Variants in NPR1 observed in about 807,000 individuals in gnomAD.
NPR1 encodes the protein atrial natriuretic peptide receptor 1.
Under a neutral mutation model 116.9 loss-of-function variants are expected in NPR1, and 57 were observed. The ratio of observed to expected loss-of-function variants is 0.49; its 90% confidence interval spans 0.39 to 0.61. NPR1 has a LOEUF of 0.61. Among genes scored for constraint, NPR1 ranks in the 20% least tolerant of loss-of-function variants. NPR1 has a pLI of 0.00. For missense variants in NPR1, 1,096 were observed against 1,409.8 expected (o/e 0.78, Z 3.56); for synonymous variants, 555 against 601.6 (o/e 0.92, Z 1.13).
At chr1:153,685,691 G>T (rs1158695085) in intron 8 of NPR1, 115 bp from the exon 9 acceptor site, 3 of 795,054 alleles carry the variant, frequency 3.8e-6, no homozygotes, top group Non-Finnish European at 6.3e-6. Flanking sequence ...CAAAAAGGAA[G>T]GGTGACACAA....
At chr1:153,687,433 G>T (rs1557963904) in intron 13 of NPR1, 77 bp downstream of exon 13, 4 of 1,536,114 alleles carry the variant, frequency 2.6e-6, no homozygotes, top group Non-Finnish European at 1.8e-6. Context: ...CCTCTGATGG[G>T]CTTGGGCATG....
In NPR1 at chr1:153,689,393, C is replaced by T; in HGVS notation, c.2689-60C>T. 6.2e-7 allele frequency: 1 copy of T among 1,613,496 alleles called. No individual in the cohort carries two copies. The highest frequency in any genetic ancestry group is 1.1e-5 in the South Asian group (1 of 91,076). ...ACCTGCCTTCTGGTTCTGCTTTACC[C>T]ACCTGACCCCAGGTGGGGTCCCCTA... On this transcript the variant is annotated intron_variant, in intron 17 of 21. Coordinates refer to ENST00000368680, the MANE Select transcript of NPR1 (RefSeq NM_000906.4). The surrounding 1 kb of genome is among the most constrained non-coding windows in gnomAD (Gnocchi z 5.1).
intron 1 of NPR1, 45 bp from the exon 2 acceptor site, chr1:153,680,456 C>A (rs1189799208): frequency 3.8e-6 from 6 of 1,591,162 alleles, no homozygotes; most frequent in Non-Finnish European, 5.2e-6. Flanking sequence ...CCTGTCTCTC[C>A]CGCAGTACCT....
In NPR1 at chr1:153,686,144, C is replaced by T. The variant is rs765047660; in HGVS notation, c.1702C>T (p.Arg568Cys). The T allele has an allele frequency of 6.2e-7, 1 of 1,614,068 alleles. No individual in the cohort carries two copies. The highest frequency in any genetic ancestry group is 1.3e-5 in the African/African-American group (1 of 75,002). The change falls in exon 10 of 22, where the codon CGT becomes TGT. Residue 568 changes from arginine (R) to cysteine (C), a missense_variant. Transcript: ENST00000368680. Reference sequence around the variant, plus strand: ...CCAGGGCAACCTCGTGGCTGTGAAACGTGTGAACCGTAAACGCATTGAGCT... The same window carrying T: ...CCAGGGCAACCTCGTGGCTGTGAAATGTGTGAACCGTAAACGCATTGAGCT... ...YYKGNLVAVK[R>C]VNRKRIELTR...
In NPR1 at chr1:153,678,747, G is replaced by A. The variant is rs12038341; in HGVS notation, c.-362G>A. ...AACACACACTCCTCTTTCCTCCCTC[G>A]CGCGCCCTCTCTCATCCTTCTTCAC... On this transcript the variant is annotated 5_prime_UTR_variant, in exon 1 of 22. Transcript: ENST00000368680. The surrounding 1 kb of genome is among the most constrained non-coding windows in gnomAD (Gnocchi z 5.8). 7.2e-6 allele frequency: 2 copies of A among 279,504 alleles called. No homozygotes were observed. Among genetic ancestry groups the A allele is most frequent in the Non-Finnish European group, 1.3e-5 (2 of 151,080 alleles). 17.3% of individuals were successfully genotyped at this position (279,504 alleles called of 1,614,324 possible). A position where few individuals can be genotyped will look rare whatever the true frequency, so the allele number is the denominator to read the frequency against.
chr1:153,684,920 T>A (rs777646367), intron 7 of NPR1, 44 bp from the exon 8 acceptor site: 2 of 1,610,130 alleles, frequency 1.2e-6, no homozygotes, highest in Non-Finnish European at 1.7e-6. Flanking sequence ...CTGCCCTGGG[T>A]CAGCGGCTCA....
In NPR1 at chr1:153,681,406, C is replaced by G. The variant is rs1669777491; in HGVS notation, c.1035+113C>G. 11 of 700,276 alleles carry G rather than the reference C, an allele frequency of 1.6e-5. No individual in the cohort carries two copies. The Admixed American group carries it at 2.1e-4, about 13-fold the overall frequency. The allele number at this position is 700,276 out of a possible 1,614,324, so 43.4% of individuals were successfully genotyped here. The stretch of plus-strand genomic sequence containing the variant: ...GTTCTCCCCTTCCTTCCCTCCCTTC[C>G]CATTGTTCCATGTTTCTCGTGATGA... On this transcript the variant is annotated intron_variant, in intron 3 of 21. Transcript: ENST00000368680.
intron 4 of NPR1, 152 bp downstream of exon 4, chr1:153,681,991 G>A: frequency 1.2e-6 from 1 of 844,956 alleles, no homozygotes; most frequent in Non-Finnish European, 1.8e-6. Context: ...TCCCTCAGAA[G>A]TCCTACAAAG....
rs1380672168 is a variant in NPR1 at position 153,679,558 on chromosome 1, C to T, written c.450C>T (p.Asp150=). 31 of 1,551,688 alleles carry T rather than the reference C, an allele frequency of 2.0e-5. No homozygotes were observed. The highest frequency in any genetic ancestry group is 2.6e-5 in the Non-Finnish European group (30 of 1,153,414). The change falls in exon 1 of 22, where the codon GAC becomes GAT. Residue 150 remains aspartate, a synonymous_variant. Transcript: ENST00000368680. This position sits in a 1 kb window ranked among gnomAD's most constrained non-coding sequence, Gnocchi z 4.2. The part of the protein sequence containing the change: ...GAPALGFGVK[D]EYALTTRAGP... ...CGGCGCTGGGCTTCGGTGTCAAGGA[C>T]GAGTATGCGCTGACCACCCGCGCGG...
At position 153,689,792 on chromosome 1, in the gene NPR1, C is replaced by A; in HGVS notation, c.2758-14C>A. 1 of 1,526,758 alleles carries A rather than the reference C, an allele frequency of 6.5e-7. No individual in the cohort carries two copies. The highest frequency in any genetic ancestry group is 1.3e-5 in the South Asian group (1 of 79,976). 94.6% of individuals were successfully genotyped at this position (1,526,758 alleles called of 1,614,324 possible). A position where few individuals can be genotyped will look rare whatever the true frequency, so the allele number is the denominator to read the frequency against. On this transcript the variant is annotated splice_polypyrimidine_tract_variant and intron_variant, in intron 18 of 21. Coordinates refer to ENST00000368680, the MANE Select transcript of NPR1 (RefSeq NM_000906.4). This position sits in a 1 kb window ranked among gnomAD's most constrained non-coding sequence, Gnocchi z 5.1. ...GCAGCCGTCAAGTCCTGCACCCCCT[C>A]GCCACTCCCACAGGTGGAGACAATT...
chr1:153,687,729 C>G lies in NPR1; in HGVS notation c.2188C>G (p.Gln730Glu). ...GDVYSFGIILQEIALRSGVFH... is the reference protein window; with the variant it reads ...GDVYSFGIILEEIALRSGVFH... ...CGTATACAGCTTTGGGATCATCCTT[C>G]AGGAGATTGCCCTGAGGAGTGGGGT... The change falls in exon 14 of 22, where the codon CAG (glutamine) becomes GAG (glutamate). Residue 730 changes from glutamine (Q) to glutamate (E), a missense_variant. Gln to Glu is a conservative substitution (Grantham distance 29). Coordinates refer to ENST00000368680, the MANE Select transcript of NPR1 (RefSeq NM_000906.4). The G allele has an allele frequency of 6.2e-7, 1 of 1,607,352 alleles. No individual in the cohort carries two copies. The highest frequency in any genetic ancestry group is 1.7e-5 in the Admixed American group (1 of 59,868).
At chr1:153,686,582 C>A in intron 10 of NPR1, 64 bp from the exon 11 acceptor site, 3 of 1,321,518 alleles carry the variant, frequency 2.3e-6, no homozygotes, top group Admixed American at 3.6e-5. Flanking sequence ...GTCCCTGAAG[C>A]TAGTGAGCAG....
intron 13 of NPR1, 66 bp downstream of exon 13, chr1:153,687,422 G>A (rs1229817927): frequency 1.3e-6 from 2 of 1,564,372 alleles, no homozygotes; most frequent in African/African-American, 2.7e-5. Flanking sequence ...CTGATGCAAG[G>A]CCTCTGATGG....
chr1:153,690,264 C>A lies in NPR1; in HGVS notation c.2933-20C>A. The stretch of plus-strand genomic sequence containing the variant: ...CCCTCACTCGCTGATGGGCTCTGCT[C>A]CTTCCCTTGCTCCTCCCAGGACCTG... On this transcript the variant is annotated intron_variant, in intron 19 of 21. Coordinates refer to ENST00000368680, the MANE Select transcript of NPR1 (RefSeq NM_000906.4). 1 of 1,546,046 alleles carries A rather than the reference C, an allele frequency of 6.5e-7. No homozygotes were observed. The highest frequency in any genetic ancestry group is 2.4e-5 in the East Asian group (1 of 41,150).
In NPR1 at chr1:153,683,839, G is replaced by T. The variant is rs61757356; in HGVS notation, c.1484+15G>T. On this transcript the variant is annotated intron_variant, in intron 7 of 21. Transcript: ENST00000368680. ...TTCATATACAGGTGAGCTGTGATGTGGGGGGTTGAGTGAGGCTGGGGGACC... is the reference window on the plus strand; with the variant it reads ...TTCATATACAGGTGAGCTGTGATGTTGGGGGTTGAGTGAGGCTGGGGGACC... The T allele has an allele frequency of 6.2e-7, 1 of 1,610,506 alleles. No homozygotes were observed. Among genetic ancestry groups the T allele is most frequent in the Non-Finnish European group, 8.5e-7 (1 of 1,177,620 alleles).
In NPR1 at chr1:153,682,659, G is replaced by A. The variant is rs1484496905; in HGVS notation, c.1263+70G>A. 4.3e-6 allele frequency: 5 copies of A among 1,151,320 alleles called. No individual in the cohort carries two copies. In the Admixed American group the frequency reaches 9.1e-5, roughly 21 times the overall value. 71.3% of individuals were successfully genotyped at this position (1,151,320 alleles called of 1,614,324 possible). A position where few individuals can be genotyped will look rare whatever the true frequency, so the allele number is the denominator to read the frequency against. ...CTCACCCTCCTACTTCCCCCCCACA[G>A]CCCTGCCAGGGCACCTGTTTATCCT... is the stretch of plus-strand genomic sequence containing the variant. On this transcript the variant is annotated intron_variant, in intron 5 of 21. Coordinates refer to ENST00000368680, the MANE Select transcript of NPR1 (RefSeq NM_000906.4).
At position 153,681,263 on chromosome 1, in the gene NPR1, G is replaced by A; in HGVS notation, c.1005G>A (p.Glu335=). Residue 335 remains glutamate, a synonymous_variant, in exon 3 of 22, where the codon GAG becomes GAA. Transcript: ENST00000368680. ...FLKQLKHLAY[E]QFNFTMEDGL... ...AGCAGTTAAAACACCTGGCCTATGA[G>A]CAGTTCAACTTCACCATGGAGGATG... 1.9e-6 allele frequency: 3 copies of A among 1,612,496 alleles called. No homozygotes were observed. The highest frequency in any genetic ancestry group is 2.5e-6 in the Non-Finnish European group (3 of 1,178,742).
intron 20 of NPR1, among the ~76,000 whole-genome samples, chr1:153,692,545 G>T (rs1421241286): frequency 1.2e-4 from 18 of 144,058 alleles, no homozygotes; most frequent in Non-Finnish European, 2.4e-4. Flanking sequence ...GTTTCGCTCT[G>T]TCGCCCAGCC....
chr1:153,686,527 T>C (rs1253406950), intron 10 of NPR1, 119 bp from the exon 11 acceptor site: 2 of 855,848 alleles, frequency 2.3e-6, no homozygotes, highest in Admixed American at 4.2e-5. Flanking sequence ...GGGAAGATCT[T>C]AGTGATGGTT....
Sources: allele counts gnomAD v4.1 joint callset (sites outside exome capture counted in the v4.1 genomes callset), GRCh38; gene constraint gnomAD v4.1.1; non-coding constraint Gnocchi (gnomAD v3.1); transcripts MANE v1.5; gene names NCBI Gene and HGNC (gene_info 2026-07-23, HGNC 2026-07-21).